The following CAMKMT variants were observed in gnomAD, a reference collection of about 807,000 sequenced individuals.
The protein encoded by CAMKMT is calmodulin-lysine N-methyltransferase.
Under a neutral mutation model 48.0 loss-of-function variants are expected in CAMKMT, and 53 were observed. That is an observed-to-expected ratio of 1.10 (90% confidence interval 0.89 to 1.39). The LOEUF is 1.39. CAMKMT is among the 40% of genes most tolerant of loss of function. The probability of loss-of-function intolerance (pLI) is 0.00; values close to 1 mark genes in which losing one functional copy is unlikely to be tolerated. For synonymous variants in CAMKMT, 165 were observed against 152.3 expected, an observed-to-expected ratio of 1.08 and a Z score of -0.61; for missense variants, 428 against 402.7, an observed-to-expected ratio of 1.06 and a Z score of -0.54.
At chr2:44,569,587 T>A (rs527496007) in intron 3 of CAMKMT, among the ~76,000 whole-genome samples, 2 of 152,324 alleles carry the variant, frequency 1.3e-5, no homozygotes, top group African/African-American at 4.8e-5. Flanking sequence ...TTATCTTTCA[T>A]TGCATCTCTT....
chr2:44,412,418 C>T lies in CAMKMT; in HGVS notation c.376+22113C>T, dbSNP rs188469621. 3.5e-3 allele frequency among the ~76,000 whole-genome samples: 529 copies of T among 152,280 alleles called. 3 individuals carry two copies. Among genetic ancestry groups the T allele is most frequent in the African/African-American group, 0.012 (516 of 41,578 alleles). ...TGGCACAATCTTGGCTCACTGCAAC[C>T]TCTGCCTCCCAGGTTCAAGCAATTC... On this transcript the variant is annotated intron_variant, in intron 3 of 10. Transcript: ENST00000378494.
At chr2:44,738,002 C>T (rs1353682410) in intron 7 of CAMKMT, among the ~76,000 whole-genome samples, 1 of 151,886 alleles carries the variant, frequency 6.6e-6, no homozygotes, top group African/African-American at 2.4e-5. Context: ...ATTACAGGTG[C>T]CCACCATCGT....
chr2:44,524,670 A>G (rs999996635), intron 3 of CAMKMT, among the ~76,000 whole-genome samples: 2 of 152,078 alleles, frequency 1.3e-5, no homozygotes, highest in Non-Finnish European at 2.9e-5. Context: ...TTCATGCTCC[A>G]GAAATACTTT....
At chr2:44,500,710 C>G (rs986184292) in intron 3 of CAMKMT, among the ~76,000 whole-genome samples, 3 of 139,720 alleles carry the variant, frequency 2.1e-5, no homozygotes, top group African/African-American at 8.1e-5. Flanking sequence ...TTTCTGGAGT[C>G]TTGCTCTGTT....
intron 3 of CAMKMT, among the ~76,000 whole-genome samples, chr2:44,677,000 G>A (rs1386693119): frequency 1.3e-5 from 2 of 151,996 alleles, no homozygotes; most frequent in Admixed American, 1.3e-4. Context: ...TTATTTTACA[G>A]TGCCCTTGAT....
intron 3 of CAMKMT, among the ~76,000 whole-genome samples, chr2:44,584,471 A>C (rs1004494507): frequency 6.6e-6 from 1 of 152,214 alleles, no homozygotes; most frequent in Non-Finnish European, 1.5e-5. Context: ...AAACAGTTTC[A>C]TTGATAATTT....
At chr2:44,718,789 A>C (rs1281896891) in intron 7 of CAMKMT, among the ~76,000 whole-genome samples, 1 of 152,336 alleles carries the variant, frequency 6.6e-6, no homozygotes, top group East Asian at 1.9e-4. Flanking sequence ...CTTTGTGTGA[A>C]AGTTGCTAGT....
rs1666255567 is a variant in CAMKMT, at chr2:44,436,397, A to T, written c.376+46092A>T. ...CGGCCAAACTCAATTCTCACTTCAG[A>T]GCCTCTGCCTCCTCAGATAGGGCAG... On this transcript the variant is annotated intron_variant, in intron 3 of 10. Coordinates refer to ENST00000378494, the MANE Select transcript of CAMKMT (RefSeq NM_024766.5). Among the ~76,000 whole-genome samples the T allele has an allele frequency of 2.0e-5, 3 of 152,086 alleles. No homozygotes were observed. The South Asian group carries it at 6.2e-4, about 32-fold the overall frequency.
chr2:44,711,229 G>C (rs343961), intron 6 of CAMKMT, among the ~76,000 whole-genome samples: 36,700 of 152,000 alleles, frequency 0.24, 5,725 homozygotes, highest in African/African-American at 0.45. Flanking sequence ...ATGTGCCTCA[G>C]ATTGGGTAGC....
intron 7 of CAMKMT, among the ~76,000 whole-genome samples, chr2:44,737,851 T>G (rs934140681): frequency 6.8e-6 from 1 of 146,116 alleles, no homozygotes; most frequent in East Asian, 2.0e-4. Flanking sequence ...TTCCATCTTC[T>G]TTTTTTTCTT....
intron 7 of CAMKMT, 38 bp from the exon 8 acceptor site, chr2:44,743,584 A>G: frequency 4.1e-6 from 6 of 1,458,146 alleles, no homozygotes; most frequent in African/African-American, 1.4e-5. Flanking sequence ...TTTAAAAAAA[A>G]CCCTATGTAT....
chr2:44,459,868 A>G (rs1667762257), intron 3 of CAMKMT, among the ~76,000 whole-genome samples: 1 of 152,190 alleles, frequency 6.6e-6, no homozygotes. Context: ...AATGAAAATA[A>G]TGGACTGAGC....
intron 3 of CAMKMT, among the ~76,000 whole-genome samples, chr2:44,699,016 T>C (rs1249777530): frequency 6.6e-6 from 1 of 152,226 alleles, no homozygotes; most frequent in Non-Finnish European, 1.5e-5. Context: ...GGTTTGATCA[T>C]GAGATTGCAG....
intron 2 of CAMKMT, among the ~76,000 whole-genome samples, chr2:44,379,755 C>G (rs1012133243): frequency 6.6e-6 from 1 of 150,618 alleles, no homozygotes; most frequent in African/African-American, 2.4e-5. Flanking sequence ...AGTTCTCTGC[C>G]TGCTTTTTTT....
intron 3 of CAMKMT, chr2:44,549,580 G>A: frequency 1.4e-6 from 1 of 691,900 alleles, no homozygotes; most frequent in South Asian, 1.5e-5. Flanking sequence ...CTGTTGCCCA[G>A]GCTGGAGTGC....
intron 3 of CAMKMT, among the ~76,000 whole-genome samples, chr2:44,584,619 C>G (rs755560418): frequency 6.6e-6 from 1 of 152,012 alleles, no homozygotes; most frequent in African/African-American, 2.4e-5. Flanking sequence ...AAATTCAAGT[C>G]AAAAAATATT....
intron 3 of CAMKMT, chr2:44,456,424 T>G (rs1216584979): frequency 8.0e-6 from 8 of 1,002,336 alleles, no homozygotes. Flanking sequence ...TTTAGGTCTT[T>G]TAGCCCTCTT....
chr2:44,460,825 C>T (rs554996746), intron 3 of CAMKMT, among the ~76,000 whole-genome samples: 1 of 150,238 alleles, frequency 6.7e-6, no homozygotes, highest in African/African-American at 2.5e-5. Flanking sequence ...CAGGTTCACA[C>T]GATTCTCCAG....
chr2:44,448,985 G>A (rs1026067146), intron 3 of CAMKMT, among the ~76,000 whole-genome samples: 1 of 152,160 alleles, frequency 6.6e-6, no homozygotes, highest in Non-Finnish European at 1.5e-5. Context: ...CAGGAAACTA[G>A]GGAGTATGGA....
Sources: gnomAD v4.1 joint callset for allele counts (sites outside exome capture counted in the v4.1 genomes callset) on GRCh38, gnomAD v4.1.1 for gene constraint, MANE v1.5 for transcripts, NCBI Gene and HGNC (gene_info 2026-07-23, HGNC 2026-07-21) for gene names.